The following KMT2C variants were observed in gnomAD, a reference collection of about 807,000 sequenced individuals.
KMT2C encodes histone-lysine N-methyltransferase 2C.
KMT2C carries 88 observed loss-of-function variants against 507.9 expected under a neutral mutation model. The observed-to-expected ratio is 0.17, with a 90% CI of 0.15 to 0.21. KMT2C has a LOEUF of 0.21. Among genes scored for constraint, KMT2C ranks in the 10% least tolerant of loss-of-function variants. KMT2C has a pLI of 1.00. For synonymous variants in KMT2C, 2,049 were observed against 2,080.8 expected (o/e 0.98, Z 0.42); for missense variants, 4,954 against 5,957.8 (o/e 0.83, Z 5.55).
chr7:152,416,553 A>C (rs1308532914), intron 1 of KMT2C, among the ~76,000 whole-genome samples: 2 of 151,624 alleles, frequency 1.3e-5, no homozygotes, highest in African/African-American at 4.8e-5. Flanking sequence ...ATCTCAAAAA[A>C]AAACAAACAA....
At chr7:152,425,782 A>C (rs148581283) in intron 1 of KMT2C, among the ~76,000 whole-genome samples, 41 of 152,156 alleles carry the variant, frequency 2.7e-4, no homozygotes, top group Admixed American at 1.3e-3. Context: ...CACTAAAAGA[A>C]CACCACCACA....
At chr7:152,377,560 C>T (rs2097338699) in intron 1 of KMT2C, among the ~76,000 whole-genome samples, 2 of 151,984 alleles carry the variant, frequency 1.3e-5, no homozygotes, top group South Asian at 2.1e-4. Flanking sequence ...CATGGCAAAA[C>T]CCTATTTCTA....
chr7:152,319,646 G>A (rs773749876), intron 3 of KMT2C, among the ~76,000 whole-genome samples: 2 of 152,058 alleles, frequency 1.3e-5, no homozygotes, highest in South Asian at 2.1e-4. Context: ...AGGCCCGCCC[G>A]CAGTTATCCA....
intron 1 of KMT2C, among the ~76,000 whole-genome samples, chr7:152,374,029 C>T (rs1374509229): frequency 1.3e-5 from 2 of 152,042 alleles, no homozygotes; most frequent in Non-Finnish European, 2.9e-5. Context: ...ATGAAAACTA[C>T]TGGTCAGGCC....
At chr7:152,429,837 A>G (rs1258467991) in intron 1 of KMT2C, among the ~76,000 whole-genome samples, 11 of 151,762 alleles carry the variant, frequency 7.2e-5, no homozygotes, top group Admixed American at 4.6e-4. Flanking sequence ...ACATTTTCAC[A>G]GATAACCACC....
chr7:152,431,216 C>CATATTAGTAACTAATATGTAAATTTAT (rs751980528), intron 1 of KMT2C, among the ~76,000 whole-genome samples: 232 of 152,126 alleles, frequency 1.5e-3, no homozygotes, highest in Non-Finnish European at 2.5e-3. Context: ...GGTAAGTTTA[C>CATATTAGTAACTAATATGTAAATTTAT]ATATTAGTAA....
chr7:152,375,827 A>G (rs1589560404), intron 1 of KMT2C, among the ~76,000 whole-genome samples: 1 of 152,082 alleles, frequency 6.6e-6, no homozygotes, highest in Non-Finnish European at 1.5e-5. Context: ...TGATATATAT[A>G]TATTTTTTCC....
chr7:152,290,252 G>GTT (rs1328743410), intron 6 of KMT2C, among the ~76,000 whole-genome samples: 1 of 57,944 alleles, frequency 1.7e-5, no homozygotes, highest in Non-Finnish European at 2.9e-5. Flanking sequence ...GTGTGTGTGT[G>GTT]TATGTGTATA....
Position 152,352,579 on chromosome 7 carries a change from G to A in KMT2C, c.250+6008C>T, listed in dbSNP as rs371910521. On this transcript the variant is annotated intron_variant, in intron 2 of 58. Coordinates refer to ENST00000262189, the MANE Select transcript of KMT2C (RefSeq NM_170606.3). Reference sequence around the variant, plus strand: ...CCCAGCTTTAAAATTTCTCTCCTTTGTACTCTGTCCCTCTATTTCTCAAAC... The same window carrying A: ...CCCAGCTTTAAAATTTCTCTCCTTTATACTCTGTCCCTCTATTTCTCAAAC... Among the ~76,000 whole-genome samples the A allele has an allele frequency of 4.1e-4, 63 of 152,198 alleles. 1 individual carries two copies. The highest frequency in any genetic ancestry group is 1.5e-3 in the African/African-American group (61 of 41,500).
chr7:152,364,819 G>A (rs1200514146), intron 1 of KMT2C, among the ~76,000 whole-genome samples: 6 of 151,414 alleles, frequency 4.0e-5, no homozygotes, highest in Non-Finnish European at 8.9e-5. Context: ...GTGTGAGGTT[G>A]GGGTTAAAGG....
intron 6 of KMT2C, among the ~76,000 whole-genome samples, chr7:152,299,782 A>G (rs1275071916): frequency 6.6e-6 from 1 of 151,910 alleles, no homozygotes; most frequent in Non-Finnish European, 1.5e-5. Flanking sequence ...TAGACCATAT[A>G]CATTTAATGT....
intron 2 of KMT2C, among the ~76,000 whole-genome samples, chr7:152,353,440 G>A (rs575214861): frequency 1.3e-5 from 2 of 152,126 alleles, no homozygotes; most frequent in Admixed American, 1.3e-4. Context: ...TTTCCCAATG[G>A]CTACTCCTAG....
At chr7:152,353,593 G>A (rs1366386727) in intron 2 of KMT2C, among the ~76,000 whole-genome samples, 2 of 152,010 alleles carry the variant, frequency 1.3e-5, no homozygotes, top group East Asian at 1.9e-4. Flanking sequence ...TGTCTCCCGG[G>A]CTCAAGCGAT....
intron 31 of KMT2C, among the ~76,000 whole-genome samples, chr7:152,188,678 T>C (rs1352871538): frequency 7.0e-6 from 1 of 142,280 alleles, no homozygotes; most frequent in African/African-American, 2.7e-5. Flanking sequence ...AGTGGCAAGA[T>C]CTCAGCTCAC....
chr7:152,151,630 AGGTGGCACAT>A (rs769397875), intron 49 of KMT2C, 49 bp from the exon 50 acceptor site: 1 of 1,552,398 alleles, frequency 6.4e-7, no homozygotes, highest in Non-Finnish European at 8.8e-7. Context: ...TGATGACACA[AGGTGGCACAT>A]GGTGAAAAAT....
chr7:152,293,348 G>A (rs1195756006), intron 6 of KMT2C, among the ~76,000 whole-genome samples: 8 of 152,074 alleles, frequency 5.3e-5, no homozygotes, highest in Admixed American at 4.6e-4. Flanking sequence ...CACAACTAGA[G>A]AAATAAGTTT....
At chr7:152,161,042 T>C (rs188694494) in intron 43 of KMT2C, among the ~76,000 whole-genome samples, 51 of 152,184 alleles carry the variant, frequency 3.4e-4, no homozygotes, top group Middle Eastern at 3.4e-3. Context: ...GTGGTATACA[T>C]AGAAGGGTAA....
chr7:152,254,180 C>T (rs2129167648), intron 9 of KMT2C, among the ~76,000 whole-genome samples: 1 of 152,120 alleles, frequency 6.6e-6, no homozygotes, highest in South Asian at 2.1e-4. Context: ...ACTTGAGAGG[C>T]TGAGGCAGAA....
At chr7:152,186,567 T>C (rs977326235) in intron 33 of KMT2C, among the ~76,000 whole-genome samples, 1 of 152,218 alleles carries the variant, frequency 6.6e-6, no homozygotes, top group African/African-American at 2.4e-5. Context: ...ACAGGGGTCA[T>C]CCAAATGAAA....
Sources: gnomAD v4.1 joint callset for allele counts (sites outside exome capture counted in the v4.1 genomes callset) on GRCh38, gnomAD v4.1.1 for gene constraint, MANE v1.5 for transcripts, NCBI Gene and HGNC (gene_info 2026-07-23, HGNC 2026-07-21) for gene names.